GPC5: variants seen among roughly 807,000 people sequenced by gnomAD.
GPC5 encodes glypican 5.
A neutral mutation model predicts 53.9 loss-of-function variants in GPC5; 47 were observed. The ratio of observed to expected loss-of-function variants is 0.87; its 90% confidence interval spans 0.69 to 1.11. The LOEUF is 1.11. Ranked by LOEUF, GPC5 falls within the 50% of genes most tolerant of loss-of-function variation. GPC5 has a pLI of 0.00. For synonymous variants in GPC5, 286 were observed against 263.3 expected (o/e 1.09, Z -0.84); for missense variants, 748 against 713.1 (o/e 1.05, Z -0.56).
chr13:92,762,938 C>T (rs1445642681), intron 7 of GPC5, among the ~76,000 whole-genome samples: 4 of 151,550 alleles, frequency 2.6e-5, no homozygotes, highest in African/African-American at 9.7e-5. Flanking sequence ...ATTCTTTAGC[C>T]CCAAGATTTC....
intron 7 of GPC5, among the ~76,000 whole-genome samples, chr13:92,751,323 A>AAAC (rs1455043763): frequency 6.7e-6 from 1 of 148,406 alleles, no homozygotes; most frequent in Non-Finnish European, 1.5e-5. Flanking sequence ...AAAAAAAAAA[A>AAAC]AAAAAAAAAA....
rs1882374491 is a variant in GPC5, at chr13:91,468,260, G to C, written c.325+19338G>C. Among the ~76,000 whole-genome samples the C allele has an allele frequency of 2.0e-5, 3 of 152,000 alleles. No homozygotes were observed. The South Asian group carries it at 6.2e-4, about 32-fold the overall frequency. On this transcript the variant is annotated intron_variant, in intron 2 of 7. Coordinates refer to ENST00000377067, the MANE Select transcript of GPC5 (RefSeq NM_004466.6). ...ATGTTCTCCCTGTAGAAGTATTCAA[G>C]AGCACCATGTCTCAGTATGGTACCC...
chr13:92,407,972 G>A (rs941613085), intron 7 of GPC5, among the ~76,000 whole-genome samples: 2 of 152,202 alleles, frequency 1.3e-5, no homozygotes, highest in African/African-American at 4.8e-5. Context: ...GAACCCATTA[G>A]CATGTTAAAC....
At chr13:91,668,319 TTTCACACAAAAGC>T (rs1481960101) in intron 2 of GPC5, among the ~76,000 whole-genome samples, 1 of 152,200 alleles carries the variant, frequency 6.6e-6, no homozygotes, top group Non-Finnish European at 1.5e-5. Context: ...CGTGTTTCTG[TTTCACACAAAAGC>T]TACAGTATCA....
chr13:91,680,221 G>T (rs528838734), intron 2 of GPC5, among the ~76,000 whole-genome samples: 6 of 152,206 alleles, frequency 3.9e-5, no homozygotes, highest in Non-Finnish European at 8.8e-5. Context: ...GAGGCCGAGG[G>T]GGGCAGATCA....
intron 2 of GPC5, among the ~76,000 whole-genome samples, chr13:91,674,132 A>AGTATTTGATG (rs1250837816): frequency 6.6e-6 from 1 of 152,146 alleles, no homozygotes; most frequent in Non-Finnish European, 1.5e-5. Flanking sequence ...TCATGCATCA[A>AGTATTTGATG]GTATTTGATG....
chr13:92,748,365 G>T (rs902237269), intron 7 of GPC5, among the ~76,000 whole-genome samples: 1 of 142,684 alleles, frequency 7.0e-6, no homozygotes, highest in African/African-American at 2.6e-5. Context: ...ATGGAGTCTC[G>T]CTCTGTCACC....
At chr13:92,171,001 G>A (rs1024769534) in intron 7 of GPC5, among the ~76,000 whole-genome samples, 1 of 152,030 alleles carries the variant, frequency 6.6e-6, no homozygotes, top group Admixed American at 6.6e-5. Context: ...TATCCTTCAT[G>A]TACTGTGTAG....
intron 1 of GPC5, among the ~76,000 whole-genome samples, chr13:91,445,361 G>A (rs983094551): frequency 5.3e-5 from 8 of 152,120 alleles, no homozygotes; most frequent in African/African-American, 7.2e-5. Context: ...CATAGACAGC[G>A]GAGATCTCCT....
chr13:92,596,421 T>G (rs2139074389), intron 7 of GPC5, among the ~76,000 whole-genome samples: 1 of 152,128 alleles, frequency 6.6e-6, no homozygotes, highest in East Asian at 1.9e-4. Context: ...AAATATACAT[T>G]TATACAAGGT....
At chr13:92,629,306 A>T (rs1440957040) in intron 7 of GPC5, among the ~76,000 whole-genome samples, 9 of 152,218 alleles carry the variant, frequency 5.9e-5, no homozygotes, top group Non-Finnish European at 1.3e-4. Flanking sequence ...CTGGAGGAAG[A>T]CAAGGGTGTT....
At chr13:92,787,127 A>G (rs1248430909) in intron 7 of GPC5, among the ~76,000 whole-genome samples, 2 of 152,204 alleles carry the variant, frequency 1.3e-5, no homozygotes, top group African/African-American at 4.8e-5. Context: ...AATGAACTCA[A>G]GATAGGTCCA....
At chr13:91,548,720 A>G (rs2030442774) in intron 2 of GPC5, among the ~76,000 whole-genome samples, 1 of 152,236 alleles carries the variant, frequency 6.6e-6, no homozygotes, top group African/African-American at 2.4e-5. Context: ...TAAAGCCACA[A>G]TAAGGCAGTG....
At chr13:92,274,955 A>C (rs575118776) in intron 7 of GPC5, among the ~76,000 whole-genome samples, 2 of 150,962 alleles carry the variant, frequency 1.3e-5, no homozygotes, top group East Asian at 3.9e-4. Flanking sequence ...AGGTACTGAA[A>C]AGATGGATGA....
At chr13:92,179,258 A>G (rs2042129692) in intron 7 of GPC5, among the ~76,000 whole-genome samples, 1 of 152,206 alleles carries the variant, frequency 6.6e-6, no homozygotes, top group Admixed American at 6.5e-5. Flanking sequence ...ATTAAAAGGA[A>G]AAAAATAAAG....
intron 7 of GPC5, among the ~76,000 whole-genome samples, chr13:92,211,657 A>G (rs2033862584): frequency 6.6e-6 from 1 of 152,232 alleles, no homozygotes; most frequent in South Asian, 2.1e-4. Context: ...GAGAAACTTC[A>G]GGAGAGAGCC....
intron 6 of GPC5, among the ~76,000 whole-genome samples, chr13:92,059,580 A>G (rs1161810888): frequency 1.3e-5 from 2 of 151,930 alleles, no homozygotes; most frequent in African/African-American, 4.8e-5. Flanking sequence ...TATTATTGAG[A>G]TCTTTCCATG....
intron 5 of GPC5, among the ~76,000 whole-genome samples, chr13:91,872,243 C>T (rs184639932): frequency 6.1e-4 from 92 of 151,970 alleles, no homozygotes; most frequent in African/African-American, 2.1e-3. Context: ...TATGAGATAC[C>T]CCGTGACAGG....
chr13:92,835,968 G>T (rs970348450), intron 7 of GPC5, among the ~76,000 whole-genome samples: 2 of 151,904 alleles, frequency 1.3e-5, no homozygotes, highest in Non-Finnish European at 2.9e-5. Context: ...ATAGTATTCT[G>T]TGATATCTGG....
Sources: gnomAD v4.1 joint callset for allele counts (sites outside exome capture counted in the v4.1 genomes callset) on GRCh38, gnomAD v4.1.1 for gene constraint, MANE v1.5 for transcripts, NCBI Gene and HGNC (gene_info 2026-07-23, HGNC 2026-07-21) for gene names.